Variants in VEPH1 observed in about 807,000 individuals in gnomAD.
VEPH1 encodes ventricular zone-expressed PH domain-containing protein homolog 1.
VEPH1 carries 80 observed loss-of-function variants against 85.2 expected under a neutral mutation model. The ratio of observed to expected loss-of-function variants is 0.94; its 90% CI spans 0.78 to 1.13. The LOEUF is 1.13. Ranked by LOEUF, VEPH1 falls within the 50% of genes most tolerant of loss-of-function variation. The pLI, the probability that VEPH1 is intolerant of heterozygous loss-of-function variation, is 0.00. For synonymous variants in VEPH1, 297 were observed against 348.0 expected (o/e 0.85, Z 1.63); for missense variants, 955 against 980.5 (o/e 0.97, Z 0.35).
chr3:157,358,705 T>C (rs1338335863), intron 9 of VEPH1, among the ~76,000 whole-genome samples: 1 of 152,196 alleles, frequency 6.6e-6, no homozygotes, highest in East Asian at 1.9e-4. Context: ...TGCCCACTAA[T>C]TGATATTAAT....
intron 9 of VEPH1, among the ~76,000 whole-genome samples, chr3:157,344,184 C>T (rs376209666): frequency 6.6e-6 from 1 of 152,116 alleles, no homozygotes; most frequent in Non-Finnish European, 1.5e-5. Context: ...CCAGGGCAAT[C>T]AGGCAGGAGA....
intron 6 of VEPH1, among the ~76,000 whole-genome samples, chr3:157,405,555 A>G (rs1731081273): frequency 6.6e-6 from 1 of 151,968 alleles, no homozygotes; most frequent in Non-Finnish European, 1.5e-5. Flanking sequence ...CCTCCCCTCC[A>G]TTATTCATCC....
intron 9 of VEPH1, among the ~76,000 whole-genome samples, chr3:157,347,810 T>C (rs1042870617): frequency 3.3e-5 from 5 of 152,186 alleles, no homozygotes; most frequent in African/African-American, 1.2e-4. Context: ...TACAGTCCTC[T>C]CAAACCCTAA....
At chr3:157,457,835 T>C (rs955159256) in intron 4 of VEPH1, among the ~76,000 whole-genome samples, 1 of 152,182 alleles carries the variant, frequency 6.6e-6, no homozygotes, top group African/African-American at 2.4e-5. Context: ...CTTTTTATGT[T>C]GTGTCTCTGC....
At chr3:157,356,929 A>G (rs1159346526) in intron 9 of VEPH1, among the ~76,000 whole-genome samples, 2 of 152,200 alleles carry the variant, frequency 1.3e-5, no homozygotes, top group African/African-American at 2.4e-5. Flanking sequence ...AAACAACAAT[A>G]ATGGATGACT....
chr3:157,349,572 T>G (rs1724618526), intron 9 of VEPH1, among the ~76,000 whole-genome samples: 1 of 151,980 alleles, frequency 6.6e-6, no homozygotes, highest in Admixed American at 6.6e-5. Context: ...GTATCCACAT[T>G]GGAAAGGAGG....
chr3:157,450,295 G>T (rs543405369), intron 4 of VEPH1, among the ~76,000 whole-genome samples: 2 of 151,952 alleles, frequency 1.3e-5, no homozygotes, highest in Admixed American at 1.3e-4. Flanking sequence ...GAGCTCAAGC[G>T]ATCCTCTCAC....
chr3:157,478,946 A>C (rs932453889), intron 2 of VEPH1, among the ~76,000 whole-genome samples: 1 of 152,216 alleles, frequency 6.6e-6, no homozygotes, highest in Non-Finnish European at 1.5e-5. Flanking sequence ...TGAAGAAAAA[A>C]TTCTCCAAAA....
At chr3:157,391,732 C>T (rs1213906354) in intron 6 of VEPH1, among the ~76,000 whole-genome samples, 1 of 152,172 alleles carries the variant, frequency 6.6e-6, no homozygotes, top group Non-Finnish European at 1.5e-5. Context: ...CATAAGAAAT[C>T]CAGAGAATGC....
chr3:157,489,795 T>C (rs1215741143), intron 2 of VEPH1, among the ~76,000 whole-genome samples: 1 of 152,026 alleles, frequency 6.6e-6, no homozygotes, highest in Non-Finnish European at 1.5e-5. Flanking sequence ...CTAATAAATA[T>C]TTGTTGAATA....
At chr3:157,266,849 T>C (rs1215128802) in intron 12 of VEPH1, among the ~76,000 whole-genome samples, 1 of 152,192 alleles carries the variant, frequency 6.6e-6, no homozygotes, top group Non-Finnish European at 1.5e-5. Flanking sequence ...ACAATGTTTA[T>C]TTATATATAT....
At chr3:157,317,040 G>C in intron 10 of VEPH1, 22 bp downstream of exon 10, 1 of 1,602,394 alleles carries the variant, frequency 6.2e-7, no homozygotes, top group East Asian at 2.2e-5. Flanking sequence ...TAAAGAGCCT[G>C]ATGAACACAA....
At chr3:157,313,106 G>T (rs965593075) in intron 11 of VEPH1, among the ~76,000 whole-genome samples, 2 of 151,336 alleles carry the variant, frequency 1.3e-5, no homozygotes, top group Admixed American at 1.3e-4. Context: ...GGGTTTCACC[G>T]TGTTAGCCAG....
At chr3:157,451,493 T>C (rs1734962174) in intron 4 of VEPH1, among the ~76,000 whole-genome samples, 1 of 152,186 alleles carries the variant, frequency 6.6e-6, no homozygotes, top group Non-Finnish European at 1.5e-5. Flanking sequence ...TAAACATTAC[T>C]TATATATAAC....
rs1358983455 is a variant in VEPH1, at chr3:157,488,656, C to G, written c.138+6556G>C. On this transcript the variant is annotated intron_variant, in intron 2 of 13. Transcript: ENST00000362010. ...TTGGTGATCTCGCTCAGTCTCAAGT[C>G]TGACAAGTTCCAAAATTATAATGGC... is the stretch of plus-strand genomic sequence containing the variant. 2.0e-5 allele frequency among the ~76,000 whole-genome samples: 3 copies of G among 152,054 alleles called. No individual in the cohort carries two copies. In the South Asian group the frequency reaches 6.2e-4, roughly 32 times the overall value.
chr3:157,443,152 A>C (rs569894359), intron 4 of VEPH1: 2 of 740,466 alleles, frequency 2.7e-6, no homozygotes, highest in South Asian at 5.2e-5. Context: ...AGTTGAAGGA[A>C]AGACATTGGA....
At chr3:157,273,160 T>C (rs1348935646) in intron 12 of VEPH1, among the ~76,000 whole-genome samples, 2 of 152,236 alleles carry the variant, frequency 1.3e-5, no homozygotes, top group African/African-American at 4.8e-5. Flanking sequence ...CATGTTATTC[T>C]TGTCATGGAA....
At chr3:157,466,433 C>G (rs1390196842) in intron 3 of VEPH1, among the ~76,000 whole-genome samples, 5 of 152,230 alleles carry the variant, frequency 3.3e-5, no homozygotes, top group Non-Finnish European at 7.3e-5. Context: ...ATGGAACCAG[C>G]TGGATGCTCA....
At chr3:157,423,707 T>C (rs186926023) in intron 5 of VEPH1, among the ~76,000 whole-genome samples, 1 of 152,360 alleles carries the variant, frequency 6.6e-6, no homozygotes, top group African/African-American at 2.4e-5. Context: ...ATTCTATGTT[T>C]ATTGTCAGTT....
Sources: gnomAD v4.1 joint callset for allele counts (sites outside exome capture counted in the v4.1 genomes callset) on GRCh38, gnomAD v4.1.1 for gene constraint, MANE v1.5 for transcripts, NCBI Gene and HGNC (gene_info 2026-07-23, HGNC 2026-07-21) for gene names.